Variants in SETX observed in about 807,000 individuals in gnomAD.
SETX encodes the protein helicase senataxin.
In SETX, 90 loss-of-function variants were observed where a neutral mutation model predicts 227.2. That is an observed-to-expected ratio of 0.40 (90% CI 0.33 to 0.47). The LOEUF is 0.47. Ranked by LOEUF, SETX falls within the 20% of genes least tolerant of loss-of-function variation. The pLI, the probability that SETX is intolerant of heterozygous loss-of-function variation, is 0.91. For synonymous variants in SETX, 1,210 were observed against 1,113.2 expected (o/e 1.09, Z -1.73); for missense variants, 3,052 against 3,181.5 (o/e 0.96, Z 0.98).
At chr9:132,291,216 G>C (rs191156784) in intron 15 of SETX, among the ~76,000 whole-genome samples, 3 of 141,646 alleles carry the variant, frequency 2.1e-5, no homozygotes, top group East Asian at 2.1e-4. Context: ...TCCTAGGCTG[G>C]AGTGCAATGG....
intron 15 of SETX, among the ~76,000 whole-genome samples, chr9:132,292,298 GC>G (rs749132035): frequency 1.9e-4 from 29 of 150,672 alleles, no homozygotes; most frequent in Non-Finnish European, 3.5e-4. Flanking sequence ...CAGTGTGATG[GC>G]AAACCTGCAG....
intron 10 of SETX, among the ~76,000 whole-genome samples, chr9:132,315,370 C>A (rs1845907417): frequency 1.3e-5 from 2 of 152,176 alleles, no homozygotes; most frequent in South Asian, 4.1e-4. Context: ...ATCTCCATGT[C>A]CTGTCCCCTT....
Position 132,279,589 on chromosome 9 carries a change from T to C in SETX, c.6655-1332A>G, listed in dbSNP as rs765810886. 1.1e-4 allele frequency among the ~76,000 whole-genome samples: 17 copies of C among 152,316 alleles called. No individual in the cohort carries two copies. In the East Asian group the frequency reaches 1.3e-3, roughly 12 times the overall value. On this transcript the variant is annotated intron_variant, in intron 20 of 25. Coordinates refer to ENST00000224140, the MANE Select transcript of SETX (RefSeq NM_015046.7). Reference sequence around the variant, plus strand: ...AAACTATGGGAGTGGAAGAAAGGCATTACTTCTTAACCTATTTATATGTGT... The same window carrying C: ...AAACTATGGGAGTGGAAGAAAGGCACTACTTCTTAACCTATTTATATGTGT...
chr9:132,326,384 G>A lies in SETX; in HGVS notation c.5214C>T (p.His1738=), dbSNP rs1214485369. Residue 1738 remains histidine, a synonymous_variant, in exon 10 of 26, where the codon CAC becomes CAT. Transcript: ENST00000224140. ...SISRPVPVRF[H]NYGDYFNVFF... ...AAACATTAAAATAATCTCCATAATT[G>A]TGAAATCTGACAGGCACAGGTCTTG... is the stretch of plus-strand genomic sequence containing the variant. 2 of 1,613,856 alleles carry A rather than the reference G, an allele frequency of 1.2e-6. No individual in the cohort carries two copies. The highest frequency in any genetic ancestry group is 2.7e-5 in the African/African-American group (2 of 74,906).
chr9:132,330,680 C>T (rs1022158569), intron 9 of SETX, among the ~76,000 whole-genome samples, 181 bp from the exon 10 acceptor site: 6 of 152,150 alleles, frequency 3.9e-5, no homozygotes, highest in East Asian at 1.9e-4. Flanking sequence ...ATACACCTAA[C>T]TCCCAAGAAA....
chr9:132,318,584 C>A (rs1429158244), intron 10 of SETX, among the ~76,000 whole-genome samples: 2 of 152,184 alleles, frequency 1.3e-5, no homozygotes, highest in Admixed American at 6.5e-5. Flanking sequence ...CTAAGTCTAC[C>A]CTGATACTTA....
rs747401694 is a variant in SETX at position 132,328,240 on chromosome 9, C to T, written c.3358G>A (p.Gly1120Ser). Residue 1120 changes from glycine (G) to serine (S), a missense_variant, in exon 10 of 26, where the codon GGT (glycine) becomes AGT (serine). Physicochemically the swap from Gly to Ser is moderately conservative, Grantham distance 56 (BLOSUM62 0). Transcript: ENST00000224140. ...CLAPIANTTN[G>S]QGCTDYVSEV... Reference sequence around the variant, plus strand: ...GATACATAATCTGTACAACCCTGACCATTTGTAGTATTGGCTATAGGAGCC... The same window carrying T: ...GATACATAATCTGTACAACCCTGACTATTTGTAGTATTGGCTATAGGAGCC... 5.0e-6 allele frequency: 8 copies of T among 1,614,110 alleles called. No homozygotes were observed. Among genetic ancestry groups the T allele is most frequent in the Middle Eastern group, 1.6e-4 (1 of 6,062 alleles).
At chr9:132,333,386 AAAAAAAAAAAAG>A (rs1437474638) in intron 7 of SETX, among the ~76,000 whole-genome samples, 2 of 46,902 alleles carry the variant, frequency 4.3e-5, no homozygotes, top group African/African-American at 1.2e-4. Flanking sequence ...TCAAAAAGAA[AAAAAAAAAAAAG>A]AAAAAAAAAA....
rs1306457084 is a variant in SETX, at chr9:132,271,822, A to C, written c.7101-14T>G. ...ACTTCTGCTGGTCTATTTACAAAAG[A>C]GAAACATATTTACTGGAAAAAGGAA... On this transcript the variant is annotated splice_polypyrimidine_tract_variant and intron_variant, in intron 23 of 25. Coordinates refer to ENST00000224140, the MANE Select transcript of SETX (RefSeq NM_015046.7). 1 of 1,597,984 alleles carries C rather than the reference A, an allele frequency of 6.3e-7. No homozygotes were observed. The highest frequency in any genetic ancestry group is 1.7e-5 in the Admixed American group (1 of 60,012).
rs1842553396 is a variant in SETX at position 132,264,726 on chromosome 9, T to C, written c.7547A>G (p.Lys2516Arg). 6.2e-7 allele frequency: 1 copy of C among 1,614,074 alleles called. No homozygotes were observed. The highest frequency in any genetic ancestry group is 1.7e-5 in the Admixed American group (1 of 60,004). The stretch of plus-strand genomic sequence containing the variant: ...TGAAGTAACAGTAAGAGTAATTTCC[T>C]TGGAGTCAGAGGGTGTGTGGTATAG... ...ASLYHTPSDS[K>R]EITLTVTSKD... Residue 2516 changes from lysine (K) to arginine (R), a missense_variant, in exon 26 of 26, where the codon AAG becomes AGG. Transcript: ENST00000224140.
intron 15 of SETX, among the ~76,000 whole-genome samples, chr9:132,295,442 C>T (rs1363502259): frequency 6.6e-6 from 1 of 152,212 alleles, no homozygotes; most frequent in Non-Finnish European, 1.5e-5. Flanking sequence ...ATCTGAGGCT[C>T]TCTTGCCCTG....
In SETX at chr9:132,326,433, G is replaced by T; in HGVS notation, c.5165C>A (p.Pro1722His). The change falls in exon 10 of 26, where the codon CCT becomes CAT. Residue 1722 changes from proline to histidine, a missense_variant. Pro to His is a moderately conservative substitution (Grantham distance 77). This residue lies in a region of SETX where 1,483 missense variants were observed against 1,312.0 expected (regional missense o/e 1.13). Transcript: ENST00000224140. ...TGAGATGGACTGACAAAGACTTGCA[G>T]GGGGCCCACACTGACCAAAGTTCAA... ...MFLNFGQCGP[P>H]ASLCQSISRP... The T allele has an allele frequency of 6.2e-7, 1 of 1,614,020 alleles. No homozygotes were observed. The highest frequency in any genetic ancestry group is 8.5e-7 in the Non-Finnish European group (1 of 1,179,906).
At position 132,269,717 on chromosome 9, in the gene SETX, A is replaced by G. The variant is rs754019832; in HGVS notation, c.7200-15T>C. 2.5e-5 allele frequency: 41 copies of G among 1,613,262 alleles called. No individual in the cohort carries two copies. In the Admixed American group the frequency reaches 6.0e-4, roughly 24 times the overall value. On this transcript the variant is annotated splice_polypyrimidine_tract_variant and intron_variant, in intron 24 of 25. Coordinates refer to ENST00000224140, the MANE Select transcript of SETX (RefSeq NM_015046.7). ...TTGCCAGGAATCTAGGCAATAAAAA[A>G]AGAGTTCCTTCTTTGTCTAGAATGA...
At chr9:132,349,120 C>G (rs1315347508) in intron 3 of SETX, 132 bp downstream of exon 3, 1 of 950,080 alleles carries the variant, frequency 1.1e-6, no homozygotes, top group Admixed American at 2.3e-5. Context: ...AAAAACAAAA[C>G]AAAAACAAAA....
In SETX at chr9:132,283,516, T is replaced by C. The variant is rs1216022890; in HGVS notation, c.6397-103A>G. ...CACTCACTATTTATTAAAATAGATT[T>C]ATGACAGAAAAATATTTAGTAAAAG... is the stretch of plus-strand genomic sequence containing the variant. On this transcript the variant is annotated intron_variant, in intron 18 of 25. Transcript: ENST00000224140. The C allele has an allele frequency of 6.4e-6, 9 of 1,395,912 alleles. No individual in the cohort carries two copies. In the East Asian group the frequency reaches 1.9e-4, roughly 29 times the overall value. 86.5% of individuals were successfully genotyped at this position (1,395,912 alleles called of 1,614,324 possible). A position where few individuals can be genotyped will look rare whatever the true frequency, so the allele number is the denominator to read the frequency against.
intron 11 of SETX, among the ~76,000 whole-genome samples, chr9:132,301,579 C>T (rs772621779): frequency 2.6e-5 from 4 of 152,112 alleles, no homozygotes; most frequent in Non-Finnish European, 4.4e-5. Flanking sequence ...TTTAGATACA[C>T]AAATACTTCC....
chr9:132,313,928 T>TTG (rs1229775328), intron 10 of SETX, among the ~76,000 whole-genome samples: 5 of 100,620 alleles, frequency 5.0e-5, no homozygotes, highest in Non-Finnish European at 8.7e-5. Flanking sequence ...CCAAGTTTTT[T>TTG]GGTTTTTTTT....
chr9:132,330,932 A>T (rs534285149), intron 9 of SETX, 120 bp downstream of exon 9: 2 of 792,556 alleles, frequency 2.5e-6, no homozygotes, highest in Non-Finnish European at 4.4e-6. Context: ...GGGCTTTTAC[A>T]TAGCAGTAGA....
chr9:132,344,269 A>G (rs1848165273), intron 4 of SETX, among the ~76,000 whole-genome samples: 1 of 152,156 alleles, frequency 6.6e-6, no homozygotes, highest in South Asian at 2.1e-4. Context: ...AATGAAGTAC[A>G]GTGGTGTGCT....
Sources: gnomAD v4.1 joint callset for allele counts (sites outside exome capture counted in the v4.1 genomes callset) on GRCh38, gnomAD v4.1.1 for gene constraint, gnomAD v4.1.1 regional missense constraint, MANE v1.5 for transcripts, NCBI Gene and HGNC (gene_info 2026-07-23, HGNC 2026-07-21) for gene names.